ELAPOR2: variants seen among roughly 807,000 people sequenced by gnomAD.
The protein encoded by ELAPOR2 is endosome-lysosome associated apoptosis and autophagy regulator family member 2.
In ELAPOR2, 89 loss-of-function variants were observed where a neutral mutation model predicts 120.7. The observed-to-expected ratio is 0.74, with a 90% CI of 0.62 to 0.88. ELAPOR2 has a LOEUF of 0.88. Among genes scored for constraint, ELAPOR2 ranks in the 40% least tolerant of loss-of-function variants. The pLI is 0.00. For synonymous variants in ELAPOR2, 444 were observed against 444.9 expected (o/e 1.00, Z 0.03); for missense variants, 1,134 against 1,251.6 (o/e 0.91, Z 1.42).
chr7:86,956,238 A>C (rs1791468654), intron 2 of ELAPOR2, among the ~76,000 whole-genome samples: 1 of 152,218 alleles, frequency 6.6e-6, no homozygotes, highest in Non-Finnish European at 1.5e-5. Flanking sequence ...TATACTTTGT[A>C]AGTTACTTGT....
intron 18 of ELAPOR2, among the ~76,000 whole-genome samples, chr7:86,906,629 T>C (rs1789032168): frequency 6.6e-6 from 1 of 152,066 alleles, no homozygotes. Flanking sequence ...AAAATTAATA[T>C]AATCATTTTC....
intron 7 of ELAPOR2, 152 bp downstream of exon 7, chr7:86,938,656 G>A (rs929907857): frequency 4.1e-6 from 3 of 729,132 alleles, no homozygotes; most frequent in East Asian, 2.6e-5. Flanking sequence ...CGGATAAGAT[G>A]TCATATTTTA....
At chr7:86,941,068 A>G (rs113905488) in intron 5 of ELAPOR2, among the ~76,000 whole-genome samples, 63 of 152,222 alleles carry the variant, frequency 4.1e-4, no homozygotes, top group African/African-American at 1.5e-3. Context: ...TAATCACCCA[A>G]GGATGAGGTA....
At chr7:86,946,184 C>T (rs1276668452) in intron 3 of ELAPOR2, among the ~76,000 whole-genome samples, 1 of 151,988 alleles carries the variant, frequency 6.6e-6, no homozygotes, top group Non-Finnish European at 1.5e-5. Context: ...CACACACACA[C>T]ACACACGTGT....
At chr7:86,938,676 C>T (rs1260540854) in intron 7 of ELAPOR2, 132 bp downstream of exon 7, 6 of 818,834 alleles carry the variant, frequency 7.3e-6, no homozygotes, top group South Asian at 1.7e-5. Flanking sequence ...ATCCATTCAA[C>T]ATCAATTCAC....
chr7:86,938,719 C>A, intron 7 of ELAPOR2, 89 bp downstream of exon 7: 1 of 1,396,658 alleles, frequency 7.2e-7, no homozygotes, highest in Non-Finnish European at 1.0e-6. Context: ...CCACTGCTGT[C>A]ATACTTTATG....
rs567678927 is a variant in ELAPOR2, at chr7:87,012,956, A to T, written c.189+46369T>A. On this transcript the variant is annotated intron_variant, in intron 1 of 21. Transcript: ENST00000450689. Reference sequence around the variant, plus strand: ...CATAAAAAATGTTAAAGCTGGCCCAAATAGGTTGGAAATAAAGCACAAAAT... The same window carrying T: ...CATAAAAAATGTTAAAGCTGGCCCATATAGGTTGGAAATAAAGCACAAAAT... Among the ~76,000 whole-genome samples the T allele has an allele frequency of 3.3e-5, 5 of 152,316 alleles. No homozygotes were observed. In the East Asian group the frequency reaches 7.7e-4, roughly 24 times the overall value.
At chr7:86,933,175 C>G (rs1450307713) in intron 8 of ELAPOR2, among the ~76,000 whole-genome samples, 1 of 144,594 alleles carries the variant, frequency 6.9e-6, no homozygotes, top group East Asian at 2.0e-4. Context: ...ATTGATTTAT[C>G]AAATCAAACA....
At chr7:86,966,641 G>A (rs1021077266) in intron 1 of ELAPOR2, among the ~76,000 whole-genome samples, 20 of 152,098 alleles carry the variant, frequency 1.3e-4, no homozygotes, top group African/African-American at 3.9e-4. Context: ...ATCTGTATTC[G>A]TTTCCCATAA....
At chr7:86,932,820 T>C (rs1250999757) in intron 8 of ELAPOR2, among the ~76,000 whole-genome samples, 1 of 151,940 alleles carries the variant, frequency 6.6e-6, no homozygotes, top group Non-Finnish European at 1.5e-5. Flanking sequence ...TTGCAAGTAA[T>C]TATTTTCTCT....
At chr7:86,910,063 G>T in intron 15 of ELAPOR2, 62 bp from the exon 16 acceptor site, 1 of 1,313,490 alleles carries the variant, frequency 7.6e-7, no homozygotes, top group Non-Finnish European at 1.1e-6. Context: ...ACTTAATCTT[G>T]ACTAGCTAGT....
intron 1 of ELAPOR2, among the ~76,000 whole-genome samples, chr7:87,038,307 T>C (rs1354688058): frequency 6.6e-6 from 1 of 152,254 alleles, no homozygotes; most frequent in Non-Finnish European, 1.5e-5. Context: ...GGTAATTCCA[T>C]ATACCTTTTT....
At chr7:86,981,219 T>A (rs2116552847) in intron 1 of ELAPOR2, among the ~76,000 whole-genome samples, 1 of 152,334 alleles carries the variant, frequency 6.6e-6, no homozygotes, top group African/African-American at 2.4e-5. Flanking sequence ...GTTTCTTCAT[T>A]AAACTCTATT....
At chr7:86,902,427 C>T (rs565178693) in intron 18 of ELAPOR2, among the ~76,000 whole-genome samples, 8 of 152,286 alleles carry the variant, frequency 5.3e-5, no homozygotes, top group African/African-American at 1.9e-4. Flanking sequence ...CCGCCTGTCT[C>T]GGCCTCCCAG....
At chr7:87,040,492 C>A (rs563340085) in intron 1 of ELAPOR2, among the ~76,000 whole-genome samples, 2 of 152,210 alleles carry the variant, frequency 1.3e-5, no homozygotes, top group African/African-American at 2.4e-5. Context: ...AGGCACCCCC[C>A]AGCAGGGGCA....
At chr7:86,908,212 T>C (rs1789125840) in intron 17 of ELAPOR2, among the ~76,000 whole-genome samples, 2 of 151,242 alleles carry the variant, frequency 1.3e-5, no homozygotes, top group South Asian at 4.2e-4. Flanking sequence ...GCTTTCAAAA[T>C]ATTCCATGTT....
At chr7:87,025,260 A>T (rs945126247) in intron 1 of ELAPOR2, among the ~76,000 whole-genome samples, 15 of 152,136 alleles carry the variant, frequency 9.9e-5, no homozygotes, top group Non-Finnish European at 1.6e-4. Context: ...TTATTTTCTA[A>T]AAACCATCAA....
At chr7:86,945,690 A>C (rs17765493) in intron 3 of ELAPOR2, among the ~76,000 whole-genome samples, 1 of 152,132 alleles carries the variant, frequency 6.6e-6, no homozygotes, top group Non-Finnish European at 1.5e-5. Flanking sequence ...AACATTATAT[A>C]AAGGTACAAT....
At chr7:86,917,280 C>T (rs186687227) in intron 12 of ELAPOR2, among the ~76,000 whole-genome samples, 2 of 151,856 alleles carry the variant, frequency 1.3e-5, no homozygotes, top group African/African-American at 2.4e-5. Context: ...ATTAGCTAGA[C>T]GTATGGGGCA....
Sources: allele counts gnomAD v4.1 joint callset (sites outside exome capture counted in the v4.1 genomes callset), GRCh38; gene constraint gnomAD v4.1.1; transcripts MANE v1.5; gene names NCBI Gene and HGNC (gene_info 2026-07-23, HGNC 2026-07-21).